Variants in EXOC6B observed in about 807,000 individuals in gnomAD.
EXOC6B encodes exocyst complex component 6B, also known as SEC15 homolog B.
A neutral mutation model predicts 113.5 loss-of-function variants in EXOC6B; 54 were observed. The ratio of observed to expected loss-of-function variants is 0.48; its 90% CI spans 0.38 to 0.60. The LOEUF (loss-of-function observed/expected upper bound fraction) is 0.60. Among genes scored for constraint, EXOC6B ranks in the 20% least tolerant of loss-of-function variants. The pLI is 0.00. For missense variants in EXOC6B, 797 were observed against 977.5 expected (o/e 0.82, Z 2.46); for synonymous variants, 357 against 339.0 (o/e 1.05, Z -0.58).
At chr2:72,387,472 G>T (rs1421084703) in intron 18 of EXOC6B, among the ~76,000 whole-genome samples, 1 of 152,104 alleles carries the variant, frequency 6.6e-6, no homozygotes, top group African/African-American at 2.4e-5. Context: ...TTCTTTGTGG[G>T]AGGGTTTTTA....
intron 17 of EXOC6B, among the ~76,000 whole-genome samples, chr2:72,473,485 A>C (rs1227569737): frequency 6.6e-6 from 1 of 152,042 alleles, no homozygotes; most frequent in African/African-American, 2.4e-5. Flanking sequence ...ATCTGAGTAT[A>C]GCTATGCCTG....
intron 18 of EXOC6B, among the ~76,000 whole-genome samples, chr2:72,421,798 C>A (rs1389536655): frequency 6.6e-6 from 1 of 152,228 alleles, no homozygotes; most frequent in Non-Finnish European, 1.5e-5. Flanking sequence ...GGCTGGAGCC[C>A]ACTCCCTCAG....
At chr2:72,275,511 A>C (rs1187315272) in intron 20 of EXOC6B, among the ~76,000 whole-genome samples, 1 of 152,198 alleles carries the variant, frequency 6.6e-6, no homozygotes, top group Non-Finnish European at 1.5e-5. Context: ...GAGCATGTCA[A>C]GTCATTTTCC....
At chr2:72,544,481 G>C (rs1321001401) in intron 8 of EXOC6B, among the ~76,000 whole-genome samples, 1 of 151,922 alleles carries the variant, frequency 6.6e-6, no homozygotes, top group African/African-American at 2.4e-5. Context: ...GAAACTTTTT[G>C]AGAGCAGAAA....
intron 20 of EXOC6B, among the ~76,000 whole-genome samples, chr2:72,262,353 C>G (rs962180997): frequency 3.3e-5 from 5 of 151,814 alleles, no homozygotes. Flanking sequence ...GTTTAAGAGG[C>G]CCAATACTAT....
intron 8 of EXOC6B, among the ~76,000 whole-genome samples, chr2:72,553,922 C>G (rs1430270342): frequency 6.6e-6 from 1 of 151,982 alleles, no homozygotes; most frequent in Non-Finnish European, 1.5e-5. Flanking sequence ...AAAATTGAAG[C>G]AAGCACAAAT....
At chr2:72,359,862 T>A (rs1184053803) in intron 19 of EXOC6B, among the ~76,000 whole-genome samples, 1 of 152,070 alleles carries the variant, frequency 6.6e-6, no homozygotes, top group Non-Finnish European at 1.5e-5. Flanking sequence ...CTCCCCACAG[T>A]AATGAGTTCA....
intron 11 of EXOC6B, among the ~76,000 whole-genome samples, chr2:72,505,009 T>C (rs919862770): frequency 2.0e-5 from 3 of 152,194 alleles, no homozygotes; most frequent in Non-Finnish European, 4.4e-5. Context: ...TAGTTCGTGC[T>C]GTTATATACA....
At chr2:72,250,326 C>A (rs1267960128) in intron 20 of EXOC6B, among the ~76,000 whole-genome samples, 2 of 152,030 alleles carry the variant, frequency 1.3e-5, no homozygotes, top group African/African-American at 2.4e-5. Context: ...TAGACAGGAA[C>A]ATATTTTTTA....
chr2:72,516,910 C>T (rs11904075), intron 8 of EXOC6B, among the ~76,000 whole-genome samples: 86 of 152,250 alleles, frequency 5.6e-4, no homozygotes, highest in African/African-American at 1.8e-3. Flanking sequence ...AAGCCCTGCC[C>T]ACCTAAAAAA....
rs752410542 is a variant in EXOC6B at position 72,733,037 on chromosome 2, G to A, written c.327+34C>T. 2.0e-6 allele frequency: 3 copies of A among 1,481,864 alleles called. No homozygotes were observed. In the South Asian group the frequency reaches 3.6e-5, roughly 18 times the overall value. 91.8% of individuals were successfully genotyped at this position (1,481,864 alleles called of 1,614,324 possible). A position where few individuals can be genotyped will look rare whatever the true frequency, so the allele number is the denominator to read the frequency against. On this transcript the variant is annotated intron_variant, in intron 3 of 21. Coordinates refer to ENST00000272427, the MANE Select transcript of EXOC6B (RefSeq NM_015189.3). ...CATTAAAAGAGAGTGGCATGAAACA[G>A]AAAAGATTTCTTCAAAAGGTAAACT... is the stretch of plus-strand genomic sequence containing the variant.
At chr2:72,445,656 A>G (rs2105345169) in intron 18 of EXOC6B, among the ~76,000 whole-genome samples, 1 of 152,168 alleles carries the variant, frequency 6.6e-6, no homozygotes, top group East Asian at 1.9e-4. Flanking sequence ...TCCCCTTTTT[A>G]TAACCATCAG....
intron 21 of EXOC6B, 136 bp from the exon 22 acceptor site, chr2:72,179,597 C>G: frequency 1.0e-6 from 1 of 982,588 alleles, no homozygotes; most frequent in South Asian, 1.5e-5. Context: ...TCTCCACTGT[C>G]AGGCCCACAC....
At chr2:72,558,616 A>C (rs919480983) in intron 8 of EXOC6B, among the ~76,000 whole-genome samples, 2 of 152,172 alleles carry the variant, frequency 1.3e-5, no homozygotes, top group Admixed American at 1.3e-4. Context: ...CTAAAAACAC[A>C]AAATTAGCTG....
At chr2:72,702,152 A>C (rs890567816) in intron 6 of EXOC6B, among the ~76,000 whole-genome samples, 1 of 142,806 alleles carries the variant, frequency 7.0e-6, no homozygotes, top group Non-Finnish European at 1.5e-5. Context: ...GTTCCCACCT[A>C]TGAGTGAGAA....
chr2:72,804,770 G>C (rs923970467), intron 1 of EXOC6B, among the ~76,000 whole-genome samples: 4 of 151,758 alleles, frequency 2.6e-5, no homozygotes, highest in Non-Finnish European at 4.4e-5. Context: ...TAATTTTTTT[G>C]TATTTTTAGT....
chr2:72,722,981 T>C (rs1269775548), intron 5 of EXOC6B, among the ~76,000 whole-genome samples: 2 of 152,160 alleles, frequency 1.3e-5, no homozygotes, highest in Non-Finnish European at 2.9e-5. Flanking sequence ...TGTCACCCTA[T>C]TTCCCCATTT....
At chr2:72,687,161 T>A (rs1352520854) in intron 6 of EXOC6B, among the ~76,000 whole-genome samples, 1 of 152,064 alleles carries the variant, frequency 6.6e-6, no homozygotes, top group Non-Finnish European at 1.5e-5. Flanking sequence ...AACCTTTGTT[T>A]TTTCCCCAAC....
At chr2:72,481,327 T>A (rs1041660317) in intron 16 of EXOC6B, among the ~76,000 whole-genome samples, 6 of 152,214 alleles carry the variant, frequency 3.9e-5, no homozygotes, top group African/African-American at 1.4e-4. Context: ...CATTTTGTAT[T>A]CCCCCATATT....
Sources: allele counts gnomAD v4.1 joint callset (sites outside exome capture counted in the v4.1 genomes callset), GRCh38; gene constraint gnomAD v4.1.1; transcripts MANE v1.5; gene names NCBI Gene and HGNC (gene_info 2026-07-23, HGNC 2026-07-21).